Variants in SMOC2 observed in about 807,000 individuals in gnomAD.
The protein encoded by SMOC2 is SPARC related modular calcium binding 2.
In SMOC2, 39 loss-of-function variants were observed where a neutral mutation model predicts 61.4. The observed-to-expected ratio is 0.64, with a 90% CI of 0.49 to 0.83. The LOEUF is 0.83. SMOC2 is among the 40% of genes least tolerant of loss of function. The pLI is 0.00. For missense variants in SMOC2, 556 were observed against 592.9 expected (o/e 0.94, Z 0.65); for synonymous variants, 247 against 239.9 (o/e 1.03, Z -0.27).
intron 8 of SMOC2, among the ~76,000 whole-genome samples, chr6:168,607,898 A>G (rs1041867803): frequency 4.0e-5 from 3 of 74,848 alleles, no homozygotes; most frequent in Non-Finnish European, 8.4e-5. Flanking sequence ...TTCATTTCAG[A>G]GACGGGATGG....
chr6:168,445,214 A>C (rs1781305104), intron 1 of SMOC2, among the ~76,000 whole-genome samples: 1 of 152,126 alleles, frequency 6.6e-6, no homozygotes, highest in Admixed American at 6.5e-5. Flanking sequence ...TGTTTTTTGC[A>C]CTGTCTTCAG....
chr6:168,519,967 G>A (rs2115065886), intron 2 of SMOC2, among the ~76,000 whole-genome samples: 1 of 151,670 alleles, frequency 6.6e-6, no homozygotes, highest in Middle Eastern at 3.4e-3. Context: ...CTGCCTTTAT[G>A]CATTTAAAAA....
At position 168,667,428 on chromosome 6, in the gene SMOC2, G is replaced by A. The variant is rs1787690214; in HGVS notation, c.*990G>A. 1 of 152,224 alleles carries A rather than the reference G, an allele frequency of 6.6e-6. No homozygotes were observed. Among genetic ancestry groups the A allele is most frequent in the Admixed American group, 6.5e-5 (1 of 15,282 alleles). The allele number at this position is 152,224 out of a possible 1,614,324, so 9.4% of individuals were successfully genotyped here. ...CCCCCGGGGCTGGTGTTGGCAGCCG[G>A]GGGGAGGTGCCTGAGGGTCCCCACG... On this transcript the variant is annotated 3_prime_UTR_variant, in exon 13 of 13. Transcript: ENST00000356284.
chr6:168,662,369 G>A (rs950372126), intron 11 of SMOC2, among the ~76,000 whole-genome samples: 3 of 152,210 alleles, frequency 2.0e-5, no homozygotes, highest in African/African-American at 7.2e-5. Context: ...GGCCCTGCAA[G>A]GTGCGAGTGA....
chr6:168,573,402 C>G (rs915633941), intron 7 of SMOC2, among the ~76,000 whole-genome samples: 1 of 151,200 alleles, frequency 6.6e-6, no homozygotes, highest in Admixed American at 6.6e-5. Flanking sequence ...TCCCTGAACG[C>G]GATGTTCATT....
chr6:168,611,255 C>T (rs34530477), intron 9 of SMOC2, among the ~76,000 whole-genome samples: 18,544 of 93,026 alleles, frequency 0.2, 2,188 homozygotes, highest in African/African-American at 0.21. Flanking sequence ...GCTCTGGTTC[C>T]CATGTCCGGG....
At chr6:168,615,890 A>AT (rs138406752) in intron 9 of SMOC2, among the ~76,000 whole-genome samples, 37,179 of 147,038 alleles carry the variant, frequency 0.25, 5,254 homozygotes, top group Non-Finnish European at 0.27. Context: ...CACTATTCTA[A>AT]TTTTTTGAAG....
At chr6:168,462,112 T>C (rs1781731487) in intron 1 of SMOC2, among the ~76,000 whole-genome samples, 1 of 152,214 alleles carries the variant, frequency 6.6e-6, no homozygotes. Context: ...AGCTGTGCTC[T>C]TTCCCCATCC....
intron 9 of SMOC2, among the ~76,000 whole-genome samples, chr6:168,620,201 G>T (rs1330073665): frequency 2.0e-5 from 3 of 152,078 alleles, no homozygotes; most frequent in Non-Finnish European, 2.9e-5. Context: ...TTTTCACTTG[G>T]AAGCGCTTAT....
At chr6:168,503,991 G>C (rs1782802866) in intron 1 of SMOC2, among the ~76,000 whole-genome samples, 1 of 152,082 alleles carries the variant, frequency 6.6e-6, no homozygotes, top group African/African-American at 2.4e-5. Flanking sequence ...GTCTCCTCAG[G>C]TCCTCAAGTG....
At chr6:168,531,797 G>T in intron 4 of SMOC2, among the ~76,000 whole-genome samples, 1 of 152,310 alleles carries the variant, frequency 6.6e-6, no homozygotes, top group Non-Finnish European at 1.5e-5. Flanking sequence ...TGGCAGAGCT[G>T]GGATGTAAAC....
At chr6:168,636,456 G>A (rs114632101) in intron 9 of SMOC2, among the ~76,000 whole-genome samples, 1,661 of 152,346 alleles carry the variant, frequency 0.011, 35 homozygotes, top group African/African-American at 0.037. Flanking sequence ...GTAGATGCCA[G>A]TGTTGAGGTC....
chr6:168,612,398 G>A (rs1474569879), intron 9 of SMOC2, among the ~76,000 whole-genome samples: 3 of 131,816 alleles, frequency 2.3e-5, no homozygotes, highest in Non-Finnish European at 3.3e-5. Flanking sequence ...TCTCCATCAG[G>A]GGAGAGGGTG....
chr6:168,567,164 C>T (rs1217049529), intron 7 of SMOC2, among the ~76,000 whole-genome samples: 3 of 152,024 alleles, frequency 2.0e-5, no homozygotes, highest in Admixed American at 2.0e-4. Context: ...AAAAAGGATA[C>T]TTTAATTGTA....
intron 9 of SMOC2, among the ~76,000 whole-genome samples, chr6:168,630,475 T>A (rs181145314): frequency 6.6e-6 from 1 of 152,364 alleles, no homozygotes; most frequent in East Asian, 1.9e-4. Flanking sequence ...CTTAATCCTG[T>A]CAGCCGAGGA....
At position 168,598,902 on chromosome 6, in the gene SMOC2, C is replaced by T. The variant is rs1479404779; in HGVS notation, c.722C>T (p.Ala241Val). 14 of 1,613,644 alleles carry T rather than the reference C, an allele frequency of 8.7e-6. No homozygotes were observed. The highest frequency in any genetic ancestry group is 2.2e-5 in the East Asian group (1 of 44,872). ...GACAATGTGGTGATCCCTGAGTGTG[C>T]GCACGGCGGCCTCTACAAGCCAGTG... ...KNDNVVIPEC[A>V]HGGLYKPVQC... The change falls in exon 8 of 13, where the codon GCG (alanine) becomes GTG (valine). Residue 241 changes from alanine (A) to valine (V), a missense_variant. Coordinates refer to ENST00000356284, the MANE Select transcript of SMOC2 (RefSeq NM_001166412.2).
At position 168,663,974 on chromosome 6, in the gene SMOC2, CT is replaced by C; in HGVS notation, c.1286-98del. The C allele has an allele frequency of 4.1e-6, 4 of 972,622 alleles. No homozygotes were observed. The South Asian group carries it at 6.1e-5, about 15-fold the overall frequency. The allele number at this position is 972,622 out of a possible 1,614,324, so 60.2% of individuals were successfully genotyped here. On this transcript the variant is annotated intron_variant, in intron 11 of 12. Coordinates refer to ENST00000356284, the MANE Select transcript of SMOC2 (RefSeq NM_001166412.2). ...AAATGAGTTTGCCAATTGATAACAC[CT>C]TCCTAAAGTGATGTGGACTCCTTCC...
intron 10 of SMOC2, among the ~76,000 whole-genome samples, chr6:168,651,763 G>A (rs373799835): frequency 6.6e-5 from 10 of 152,154 alleles, no homozygotes; most frequent in South Asian, 6.2e-4. Flanking sequence ...AGAGCAGGCC[G>A]GGCGCAGGGG....
At chr6:168,540,498 C>T (rs900739826) in intron 4 of SMOC2, among the ~76,000 whole-genome samples, 2 of 152,056 alleles carry the variant, frequency 1.3e-5, no homozygotes, top group Admixed American at 6.5e-5. Context: ...CACCACACTG[C>T]CCACTCCAGA....
Sources: allele counts gnomAD v4.1 joint callset (sites outside exome capture counted in the v4.1 genomes callset), GRCh38; gene constraint gnomAD v4.1.1; transcripts MANE v1.5; gene names NCBI Gene and HGNC (gene_info 2026-07-23, HGNC 2026-07-21).